PPP2R5E: variants seen among roughly 807,000 people sequenced by gnomAD.
The protein encoded by PPP2R5E is serine/threonine-protein phosphatase 2A 56 kDa regulatory subunit epsilon isoform.
In PPP2R5E, 4 loss-of-function variants were observed where a neutral mutation model predicts 65.3. The ratio of observed to expected loss-of-function variants is 0.06; its 90% CI spans 0.03 to 0.14. PPP2R5E has a LOEUF of 0.14. Among genes scored for constraint, PPP2R5E ranks in the 10% least tolerant of loss-of-function variants. PPP2R5E has a pLI of 1.00. For missense variants in PPP2R5E, 274 were observed against 556.1 expected, an observed-to-expected ratio of 0.49 and a Z score of 5.10; for synonymous variants, 183 against 187.4, an observed-to-expected ratio of 0.98 and a Z score of 0.19.
At chr14:63,403,871 T>C (rs1165151228) in intron 5 of PPP2R5E, among the ~76,000 whole-genome samples, 2 of 152,168 alleles carry the variant, frequency 1.3e-5, no homozygotes, top group East Asian at 3.8e-4. Context: ...ATAGTACTCA[T>C]CTATCATGTG....
chr14:63,464,920 G>A (rs1400088749), intron 2 of PPP2R5E, among the ~76,000 whole-genome samples: 1 of 152,052 alleles, frequency 6.6e-6, no homozygotes, highest in Non-Finnish European at 1.5e-5. Context: ...CTATTTGGGA[G>A]GCTGAGGCAG....
At chr14:63,469,611 G>A (rs1434530628) in intron 2 of PPP2R5E, among the ~76,000 whole-genome samples, 2 of 152,146 alleles carry the variant, frequency 1.3e-5, no homozygotes, top group African/African-American at 2.4e-5. Context: ...GGAGAATGGC[G>A]TGAACCCGGG....
intron 13 of PPP2R5E, among the ~76,000 whole-genome samples, chr14:63,376,681 G>A (rs1405437666): frequency 2.0e-5 from 3 of 152,166 alleles, no homozygotes; most frequent in Middle Eastern, 3.4e-3. Flanking sequence ...AATTAGAATC[G>A]ACAAACTTTA....
intron 2 of PPP2R5E, among the ~76,000 whole-genome samples, chr14:63,480,697 C>T (rs1890654958): frequency 1.3e-5 from 2 of 152,168 alleles, no homozygotes; most frequent in Non-Finnish European, 2.9e-5. Context: ...CCTCCTTTCT[C>T]AGCCTCTCAA....
chr14:63,483,395 A>G (rs1050874260), intron 2 of PPP2R5E, among the ~76,000 whole-genome samples: 2 of 151,652 alleles, frequency 1.3e-5, no homozygotes, highest in East Asian at 1.9e-4. Context: ...TCAAAGAAGT[A>G]GTGATATCTG....
chr14:63,402,642 A>G (rs1885819258), intron 5 of PPP2R5E, among the ~76,000 whole-genome samples: 1 of 152,208 alleles, frequency 6.6e-6, no homozygotes, highest in South Asian at 2.1e-4. Context: ...AGTTCAACAT[A>G]TAATAAATAA....
chr14:63,470,554 A>G (rs1431891860), intron 2 of PPP2R5E, among the ~76,000 whole-genome samples: 4 of 152,100 alleles, frequency 2.6e-5, no homozygotes, highest in Non-Finnish European at 4.4e-5. Context: ...TAGGAAGAAC[A>G]TATTTATATT....
intron 3 of PPP2R5E, among the ~76,000 whole-genome samples, chr14:63,441,779 G>A (rs756484545): frequency 5.9e-5 from 9 of 151,736 alleles, no homozygotes; most frequent in Non-Finnish European, 1.3e-4. Flanking sequence ...GTGTGGTGGC[G>A]GGCACCTGTA....
chr14:63,379,826 C>CTCTCTCTCTTTTTT (rs528081976), intron 13 of PPP2R5E, among the ~76,000 whole-genome samples: 6 of 100,280 alleles, frequency 6.0e-5, no homozygotes, highest in African/African-American at 2.6e-4. Context: ...TATTCTCTCT[C>CTCTCTCTCTTTTTT]TTTTTTTTTT....
intron 3 of PPP2R5E, among the ~76,000 whole-genome samples, chr14:63,449,136 T>TA (rs1397172419): frequency 6.6e-6 from 1 of 152,212 alleles, no homozygotes; most frequent in Non-Finnish European, 1.5e-5. Flanking sequence ...TAGTATTTCA[T>TA]AAAAAACACT....
chr14:63,425,104 T>A (rs898560492), intron 3 of PPP2R5E, among the ~76,000 whole-genome samples: 1 of 152,172 alleles, frequency 6.6e-6, no homozygotes, highest in Non-Finnish European at 1.5e-5. Context: ...GCTGTCAGGA[T>A]CCCCAGTGTT....
chr14:63,513,984 C>T (rs10129182), intron 2 of PPP2R5E, among the ~76,000 whole-genome samples: 20,486 of 152,134 alleles, frequency 0.13, 1,504 homozygotes, highest in African/African-American at 0.17. Flanking sequence ...ATGTTTTCTA[C>T]GGCATATTTC....
chr14:63,525,139 T>C (rs1382418845), intron 2 of PPP2R5E, among the ~76,000 whole-genome samples: 1 of 152,208 alleles, frequency 6.6e-6, no homozygotes, highest in Non-Finnish European at 1.5e-5. Flanking sequence ...CGCCATGTGG[T>C]ACATTGCCTG....
At chr14:63,449,579 C>T (rs947355823) in intron 3 of PPP2R5E, among the ~76,000 whole-genome samples, 3 of 152,104 alleles carry the variant, frequency 2.0e-5, no homozygotes, top group African/African-American at 7.2e-5. Flanking sequence ...TTCCAGTTTT[C>T]CTTACAGAAC....
At chr14:63,523,985 T>C (rs1305251865) in intron 2 of PPP2R5E, among the ~76,000 whole-genome samples, 1 of 152,128 alleles carries the variant, frequency 6.6e-6, no homozygotes, top group Non-Finnish European at 1.5e-5. Context: ...CCTCATAAGA[T>C]ATGGTGGAGG....
chr14:63,394,445 T>C (rs1885211793), intron 7 of PPP2R5E, among the ~76,000 whole-genome samples: 1 of 152,142 alleles, frequency 6.6e-6, no homozygotes, highest in South Asian at 2.1e-4. Flanking sequence ...GAGAAGAAAA[T>C]TTGCTTCTGG....
Position 63,371,923 on chromosome 14 carries a change from T to C in PPP2R5E, c.*4086A>G, listed in dbSNP as rs1594798961. ...ACATGTCATTCTCATTATACTTCAA[T>C]CAAAAATCAGACAACAACCAGAAAA... On this transcript the variant is annotated 3_prime_UTR_variant, in exon 14 of 14. Coordinates refer to ENST00000337537, the MANE Select transcript of PPP2R5E (RefSeq NM_006246.5). 2 of 152,180 alleles carry C rather than the reference T, an allele frequency of 1.3e-5. No homozygotes were observed. The highest frequency in any genetic ancestry group is 6.5e-5 in the Admixed American group (1 of 15,286). The allele number at this position is 152,180 out of a possible 1,614,324, so 9.4% of individuals were successfully genotyped here.
chr14:63,467,174 C>G (rs371848265), intron 2 of PPP2R5E, among the ~76,000 whole-genome samples: 1 of 147,388 alleles, frequency 6.8e-6, no homozygotes, highest in African/African-American at 2.6e-5. Context: ...TGCAGTGAGC[C>G]GAGATCTTGC....
chr14:63,483,160 AT>A (rs550042249), intron 2 of PPP2R5E, among the ~76,000 whole-genome samples: 1 of 152,106 alleles, frequency 6.6e-6, no homozygotes, highest in African/African-American at 2.4e-5. Context: ...TATAAATAAA[AT>A]TTTTTTTAAA....
Sources: gnomAD v4.1 joint callset for allele counts (sites outside exome capture counted in the v4.1 genomes callset) on GRCh38, gnomAD v4.1.1 for gene constraint, MANE v1.5 for transcripts, NCBI Gene and HGNC (gene_info 2026-07-23, HGNC 2026-07-21) for gene names.